MEI1: variants seen among roughly 807,000 people sequenced by gnomAD.
The protein encoded by MEI1 is meiosis inhibitor protein 1.
MEI1 carries 103 observed loss-of-function variants against 146.2 expected under a neutral mutation model. The observed-to-expected ratio is 0.70, with a 90% CI of 0.60 to 0.83. The LOEUF (loss-of-function observed/expected upper bound fraction) is 0.83, where lower values mean the gene tolerates loss of function less well. Among genes scored for constraint, MEI1 ranks in the 40% least tolerant of loss-of-function variants. MEI1 has a pLI of 0.00. For synonymous variants in MEI1, 652 were observed against 628.2 expected (o/e 1.04, Z -0.57); for missense variants, 1,529 against 1,533.0 (o/e 1.00, Z 0.04).
At chr22:41,720,176 A>G (rs1164770158) in intron 6 of MEI1, among the ~76,000 whole-genome samples, 1 of 152,112 alleles carries the variant, frequency 6.6e-6, no homozygotes, top group Non-Finnish European at 1.5e-5. Flanking sequence ...AAAGGAAAGG[A>G]TGCCTGGACT....
In MEI1 at chr22:41,799,303, T is replaced by C. The variant is rs1336348503; in HGVS notation, c.*4T>C. On this transcript the variant is annotated 3_prime_UTR_variant, in exon 31 of 31. Transcript: ENST00000401548. ...CCTGTCCCACATCAGAAACTGATCC[T>C]CAGGACTTGAAGGCCCAGAAGTGGA... is the stretch of plus-strand genomic sequence containing the variant. 6.2e-7 allele frequency: 1 copy of C among 1,613,478 alleles called. No individual in the cohort carries two copies. Among genetic ancestry groups the C allele is most frequent in the South Asian group, 1.1e-5 (1 of 91,070 alleles).
chr22:41,744,372 C>T (rs1266996058), intron 12 of MEI1, among the ~76,000 whole-genome samples: 1 of 151,576 alleles, frequency 6.6e-6, no homozygotes, highest in Non-Finnish European at 1.5e-5. Context: ...CGGGGTTTCA[C>T]TATGTTAGCC....
intron 6 of MEI1, among the ~76,000 whole-genome samples, chr22:41,721,322 G>A (rs934053771): frequency 1.4e-5 from 2 of 141,434 alleles, no homozygotes; most frequent in African/African-American, 5.4e-5. Context: ...TCGGCTCGCT[G>A]CAACCTCCGC....
intron 19 of MEI1, among the ~76,000 whole-genome samples, chr22:41,767,201 G>A (rs2074912430): frequency 6.6e-6 from 1 of 152,168 alleles, no homozygotes; most frequent in Admixed American, 6.5e-5. Context: ...TCTTTATGTG[G>A]TATCTTTATG....
rs138407992 is a variant in MEI1, at chr22:41,706,726, A to C, written c.349+1172A>C. On this transcript the variant is annotated intron_variant, in intron 3 of 30. Coordinates refer to ENST00000401548, the MANE Select transcript of MEI1 (RefSeq NM_152513.4). ...GAGACCCCTTTCTCTTAAAAAAAAAAAACAAAAATTGTCGAAGCGCATGGG... is the reference window on the plus strand; with the variant it reads ...GAGACCCCTTTCTCTTAAAAAAAAACAACAAAAATTGTCGAAGCGCATGGG... Among the ~76,000 whole-genome samples the C allele has an allele frequency of 3.1e-3, 466 of 152,142 alleles. 2 individuals carry two copies. The highest frequency in any genetic ancestry group is 0.011 in the African/African-American group (440 of 41,516).
intron 20 of MEI1, among the ~76,000 whole-genome samples, chr22:41,771,174 C>G (rs1338207944): frequency 6.6e-6 from 1 of 152,190 alleles, no homozygotes; most frequent in Non-Finnish European, 1.5e-5. Flanking sequence ...TAATGGAAGT[C>G]TACCAACTGA....
At chr22:41,731,242 A>G (rs535863669) in intron 9 of MEI1, among the ~76,000 whole-genome samples, 7 of 151,752 alleles carry the variant, frequency 4.6e-5, no homozygotes, top group African/African-American at 1.2e-4. Context: ...TTTAGTAGAG[A>G]TGGGGTTTTA....
chr22:41,719,129 C>A (rs905163974), intron 6 of MEI1, among the ~76,000 whole-genome samples: 9 of 151,990 alleles, frequency 5.9e-5, no homozygotes, highest in African/African-American at 2.2e-4. Context: ...ACTACAGGCG[C>A]CTGCCACCAT....
rs763866682 is a variant in MEI1, at chr22:41,795,718, C to G, written c.3667-17C>G. The G allele has an allele frequency of 1.1e-5, 17 of 1,610,744 alleles. No homozygotes were observed. The East Asian group carries it at 3.8e-4, about 36-fold the overall frequency. On this transcript the variant is annotated splice_polypyrimidine_tract_variant and intron_variant, in intron 29 of 30. Transcript: ENST00000401548. The surrounding 1 kb of genome is among the most constrained non-coding windows in gnomAD (Gnocchi z 4.2). ...GCACTGAGGAGGCCTGTCTTCCCTG[C>G]CCTCTTCTCCCTGCAGCTCCAGAGC... is the stretch of plus-strand genomic sequence containing the variant.
intron 14 of MEI1, among the ~76,000 whole-genome samples, chr22:41,747,806 A>G (rs895045217): frequency 6.6e-6 from 1 of 150,974 alleles, no homozygotes; most frequent in South Asian, 2.1e-4. Context: ...GAAACATGAG[A>G]GTCACTCTGC....
At chr22:41,756,376 A>G (rs1417252993) in intron 17 of MEI1, among the ~76,000 whole-genome samples, 1 of 152,004 alleles carries the variant, frequency 6.6e-6, no homozygotes, top group East Asian at 1.9e-4. Context: ...GCCTCAAACA[A>G]TCTACCTGCC....
intron 19 of MEI1, among the ~76,000 whole-genome samples, chr22:41,763,695 C>T (rs1375294594): frequency 1.3e-5 from 2 of 151,748 alleles, no homozygotes; most frequent in African/African-American, 2.4e-5. Context: ...TGGGTTCAAG[C>T]GATTCTCCTG....
At position 41,793,918 on chromosome 22, in the gene MEI1, C is replaced by T. The variant is rs2076279098; in HGVS notation, c.3427+8C>T. The T allele has an allele frequency of 6.2e-7, 1 of 1,608,450 alleles. No homozygotes were observed. Among genetic ancestry groups the T allele is most frequent in the Non-Finnish European group, 8.5e-7 (1 of 1,176,992 alleles). On this transcript the variant is annotated splice_region_variant and intron_variant, in intron 27 of 30. Coordinates refer to ENST00000401548, the MANE Select transcript of MEI1 (RefSeq NM_152513.4). ...CCCGGAGCCCAGACATTGGTAGAAA[C>T]TCTCCACATTATCTGATGTTCCCAT... is the stretch of plus-strand genomic sequence containing the variant.
At position 41,708,404 on chromosome 22, in the gene MEI1, CT is replaced by C. The variant is rs776286203; in HGVS notation, c.349+2864del. ...ACCTTCATTCCTGAAAGGTCTGAAT[CT>C]TTTTTTTTTTTTTCCAAGCCAAACT... On this transcript the variant is annotated intron_variant, in intron 3 of 30. Transcript: ENST00000401548. 3.6e-3 allele frequency among the ~76,000 whole-genome samples: 508 copies of C among 141,994 alleles called. 3 individuals carry two copies. The highest frequency in any genetic ancestry group is 7.5e-3 in the African/African-American group (293 of 38,960). 93.2% of individuals were successfully genotyped at this position (141,994 alleles called of 152,430 possible). A position where few individuals can be genotyped will look rare whatever the true frequency, so the allele number is the denominator to read the frequency against.
chr22:41,739,759 C>G (rs151064465), intron 11 of MEI1, among the ~76,000 whole-genome samples: 7 of 152,242 alleles, frequency 4.6e-5, no homozygotes, highest in African/African-American at 1.7e-4. Context: ...CAGCAGGACA[C>G]TGCTAGAGGG....
intron 7 of MEI1, among the ~76,000 whole-genome samples, 173 bp downstream of exon 7, chr22:41,724,246 G>A (rs191717530): frequency 3.5e-4 from 54 of 152,212 alleles, no homozygotes; most frequent in Admixed American, 5.9e-4. Flanking sequence ...CAGCACTTTC[G>A]GAGGCCTAGG....
At chr22:41,790,052 C>A (rs957815413) in intron 26 of MEI1, among the ~76,000 whole-genome samples, 2 of 152,170 alleles carry the variant, frequency 1.3e-5, no homozygotes, top group Admixed American at 1.3e-4. Flanking sequence ...TTCCCTTCAA[C>A]CAGTTTGTTG....
At chr22:41,705,480 T>C in intron 2 of MEI1, 24 bp from the exon 3 acceptor site, 1 of 1,613,012 alleles carries the variant, frequency 6.2e-7, no homozygotes, top group Non-Finnish European at 8.5e-7. Flanking sequence ...TAACCACCCC[T>C]TTCTTACCTC....
At chr22:41,778,915 C>T (rs767361232) in intron 22 of MEI1, 103 bp downstream of exon 22, 7 of 835,672 alleles carry the variant, frequency 8.4e-6, no homozygotes, top group Non-Finnish European at 1.4e-5. Flanking sequence ...TCTTTCATCC[C>T]TTTGGAAGAA....
Sources: allele counts gnomAD v4.1 joint callset (sites outside exome capture counted in the v4.1 genomes callset), GRCh38; gene constraint gnomAD v4.1.1; non-coding constraint Gnocchi (gnomAD v3.1); transcripts MANE v1.5; gene names NCBI Gene and HGNC (gene_info 2026-07-23, HGNC 2026-07-21).